CLNK: variants seen among roughly 807,000 people sequenced by gnomAD.
CLNK encodes cytokine-dependent hematopoietic cell linker.
CLNK carries 74 observed loss-of-function variants against 68.6 expected under a neutral mutation model. The observed-to-expected ratio is 1.08, with a 90% CI of 0.89 to 1.31. The LOEUF (loss-of-function observed/expected upper bound fraction) is 1.31, where lower values mean the gene tolerates loss of function less well. Among genes scored for constraint, CLNK ranks in the 50% most tolerant of loss-of-function variants. CLNK has a pLI of 0.00. For synonymous variants in CLNK, 198 were observed against 172.2 expected (o/e 1.15, Z -1.17); for missense variants, 553 against 515.3 (o/e 1.07, Z -0.71).
At chr4:10,575,886 G>A (rs1403531162) in intron 4 of CLNK, among the ~76,000 whole-genome samples, 3 of 152,200 alleles carry the variant, frequency 2.0e-5, no homozygotes, top group Non-Finnish European at 4.4e-5. Flanking sequence ...ATTCATTATA[G>A]GTGGTAGTCC....
intron 16 of CLNK, among the ~76,000 whole-genome samples, chr4:10,509,936 C>A (rs1207508100): frequency 6.6e-6 from 1 of 152,158 alleles, no homozygotes; most frequent in Non-Finnish European, 1.5e-5. Flanking sequence ...ACGTGACAGG[C>A]TCTAGAGACA....
chr4:10,693,347 G>A, the CLNK span, among the ~76,000 whole-genome samples: 74 of 152,294 alleles, frequency 4.9e-4, 1 homozygote, highest in Non-Finnish European at 8.8e-4. Flanking sequence ...CACTGGGGTA[G>A]TCCTTAGCCA....
chr4:10,611,604 A>G (rs768478841), intron 2 of CLNK, among the ~76,000 whole-genome samples: 33 of 152,116 alleles, frequency 2.2e-4, no homozygotes, highest in Non-Finnish European at 4.7e-4. Context: ...CCCCCAGGAA[A>G]ATAGCCTTTC....
intron 18 of CLNK, among the ~76,000 whole-genome samples, chr4:10,496,855 T>A (rs1716828823): frequency 6.6e-6 from 1 of 152,252 alleles, no homozygotes; most frequent in Admixed American, 6.5e-5. Context: ...TGGAAACCTC[T>A]AGCAGATATT....
intron 3 of CLNK, among the ~76,000 whole-genome samples, chr4:10,588,172 G>C (rs1188136045): frequency 6.6e-6 from 1 of 152,192 alleles, no homozygotes; most frequent in Non-Finnish European, 1.5e-5. Flanking sequence ...ATTGATCAAA[G>C]GCAGAGCATC....
At position 10,490,423 on chromosome 4, in the gene CLNK, G is replaced by A. The variant is rs1454093358; in HGVS notation, c.*44C>T. 2 of 1,588,076 alleles carry A rather than the reference G, an allele frequency of 1.3e-6. No individual in the cohort carries two copies. The highest frequency in any genetic ancestry group is 1.7e-6 in the Non-Finnish European group (2 of 1,169,784). On this transcript the variant is annotated 3_prime_UTR_variant, in exon 19 of 19. Coordinates refer to ENST00000226951, the MANE Select transcript of CLNK (RefSeq NM_052964.4). ...AACTTTTGAAATCAATGAAAACAAT[G>A]GAAGCGCTGAATCCAGTAAACCAAA...
At chr4:10,644,380 C>T (rs1229588591) in intron 2 of CLNK, among the ~76,000 whole-genome samples, 2 of 152,244 alleles carry the variant, frequency 1.3e-5, no homozygotes, top group Admixed American at 1.3e-4. Flanking sequence ...TCTCCTACCA[C>T]ATTCCATGTA....
intron 8 of CLNK, among the ~76,000 whole-genome samples, chr4:10,549,826 C>G (rs1365905491): frequency 6.6e-6 from 1 of 152,214 alleles, no homozygotes; most frequent in Non-Finnish European, 1.5e-5. Flanking sequence ...CTTGGAGAAG[C>G]CAGGCATGCT....
At chr4:10,531,591 G>A (rs1173180635) in intron 12 of CLNK, 10 of 361,374 alleles carry the variant, frequency 2.8e-5, no homozygotes, top group East Asian at 7.5e-5. Context: ...ACAGGCATGC[G>A]CCACCACACC....
intron 2 of CLNK, among the ~76,000 whole-genome samples, chr4:10,660,244 T>C (rs564838996): frequency 6.6e-6 from 1 of 152,352 alleles, no homozygotes; most frequent in African/African-American, 2.4e-5. Context: ...GTCAAATTAG[T>C]TCATGAGTTG....
At chr4:10,524,418 G>A (rs1202257365) in intron 14 of CLNK, among the ~76,000 whole-genome samples, 1 of 152,170 alleles carries the variant, frequency 6.6e-6, no homozygotes, top group Non-Finnish European at 1.5e-5. Flanking sequence ...CAGTGAGGTC[G>A]CCCAAGTCAC....
rs1380727115 is a variant in CLNK at position 10,663,572 on chromosome 4, T to G, written c.11+4287A>C. Among the ~76,000 whole-genome samples the G allele has an allele frequency of 2.0e-5, 3 of 152,222 alleles. No homozygotes were observed. The East Asian group carries it at 5.8e-4, about 29-fold the overall frequency. On this transcript the variant is annotated intron_variant, in intron 2 of 18. Transcript: ENST00000226951. ...ATACAATCATATAAAAACATATGTG[T>G]GCATGTGCTTGTATTGTATGTCTGC... is the stretch of plus-strand genomic sequence containing the variant.
chr4:10,619,998 CCT>C (rs1382402719), intron 2 of CLNK, among the ~76,000 whole-genome samples: 27 of 152,236 alleles, frequency 1.8e-4, no homozygotes, highest in Non-Finnish European at 7.4e-5. Flanking sequence ...ATCACCAACC[CCT>C]GTTTTCTTTT....
chr4:10,732,649 G>A, the CLNK span, among the ~76,000 whole-genome samples: 1 of 151,926 alleles, frequency 6.6e-6, no homozygotes, highest in East Asian at 1.9e-4. Flanking sequence ...AGGCAGAAGA[G>A]GTGAGAATTG....
intron 2 of CLNK, among the ~76,000 whole-genome samples, chr4:10,659,615 T>C (rs906513740): frequency 1.3e-5 from 2 of 151,834 alleles, no homozygotes; most frequent in Non-Finnish European, 2.9e-5. Context: ...TCAGAAAAAA[T>C]CCTCCCCACC....
At chr4:10,615,016 T>G (rs1722173154) in intron 2 of CLNK, among the ~76,000 whole-genome samples, 1 of 151,884 alleles carries the variant, frequency 6.6e-6, no homozygotes, top group South Asian at 2.1e-4. Flanking sequence ...CAAAACGCCA[T>G]CTCTACTAAA....
Position 10,515,448 on chromosome 4 carries a change from A to ATT in CLNK, c.773-1853_773-1852dup, listed in dbSNP as rs35323799. Among the ~76,000 whole-genome samples, 3 of 143,356 alleles carry ATT rather than the reference A, an allele frequency of 2.1e-5. No individual in the cohort carries two copies. In the South Asian group the frequency reaches 6.6e-4, roughly 31 times the overall value. The allele number at this position is 143,356 out of a possible 152,430, so 94.0% of individuals were successfully genotyped here. On this transcript the variant is annotated intron_variant, in intron 15 of 18. Coordinates refer to ENST00000226951, the MANE Select transcript of CLNK (RefSeq NM_052964.4). ...GTTCATTCTCTACTTTGGAAACACC[A>ATT]TTTTTTTTTTTTCAACTTGAAAGAA...
the CLNK span, among the ~76,000 whole-genome samples, chr4:10,731,282 C>T: frequency 6.6e-6 from 1 of 152,190 alleles, no homozygotes; most frequent in South Asian, 2.1e-4. Context: ...TCAACAAAAA[C>T]TTCAAATGAA....
intron 4 of CLNK, among the ~76,000 whole-genome samples, chr4:10,574,124 G>C (rs1365463690): frequency 6.6e-6 from 1 of 152,124 alleles, no homozygotes; most frequent in African/African-American, 2.4e-5. Flanking sequence ...CAGAGTTTTG[G>C]AAAATGCAAT....
Sources: allele counts gnomAD v4.1 joint callset (sites outside exome capture counted in the v4.1 genomes callset), GRCh38; gene constraint gnomAD v4.1.1; transcripts MANE v1.5; gene names NCBI Gene and HGNC (gene_info 2026-07-23, HGNC 2026-07-21).